ZDHHC7: variants seen among roughly 807,000 people sequenced by gnomAD.
The protein encoded by ZDHHC7 is zDHHC palmitoyltransferase 7, also known as palmitoyltransferase ZDHHC7.
Under a neutral mutation model 34.1 loss-of-function variants are expected in ZDHHC7, and 12 were observed. The ratio of observed to expected loss-of-function variants is 0.35; its 90% confidence interval spans 0.23 to 0.57. The LOEUF is 0.57. Ranked by LOEUF, ZDHHC7 falls within the 20% of genes least tolerant of loss-of-function variation. The pLI is 0.84. For synonymous variants in ZDHHC7, 185 were observed against 155.4 expected (o/e 1.19, Z -1.42); for missense variants, 388 against 402.7 (o/e 0.96, Z 0.31).
In ZDHHC7 at chr16:84,974,898, G is replaced by T. The variant is rs2072274592; in HGVS notation, c.*1445C>A. 6.5e-6 allele frequency: 1 copy of T among 152,678 alleles called. No individual in the cohort carries two copies. Among genetic ancestry groups the T allele is most frequent in the South Asian group, 2.1e-4 (1 of 4,832 alleles). The allele number at this position is 152,678 out of a possible 1,614,324, so 9.5% of individuals were successfully genotyped here. A position where few individuals can be genotyped will look rare whatever the true frequency, so the allele number is the denominator to read the frequency against. On this transcript the variant is annotated 3_prime_UTR_variant, in exon 8 of 8. Transcript: ENST00000313732. ...GAAGCCCTGATTCGGATGGGGTACAGAGTAATTAAAAACAAAAAACAGTTC... is the reference window on the plus strand; with the variant it reads ...GAAGCCCTGATTCGGATGGGGTACATAGTAATTAAAAACAAAAAACAGTTC...
At chr16:84,986,657 T>C (rs1031401141) in intron 3 of ZDHHC7, among the ~76,000 whole-genome samples, 15 of 152,170 alleles carry the variant, frequency 9.9e-5, no homozygotes, top group Admixed American at 7.9e-4. Context: ...AGTAGGCCTC[T>C]GACCCCATCT....
At chr16:85,025,474 T>C in the ZDHHC7 span, among the ~76,000 whole-genome samples, 1 of 151,980 alleles carries the variant, frequency 6.6e-6, no homozygotes, top group Non-Finnish European at 1.5e-5. Flanking sequence ...AGTGGCGCGA[T>C]CTCAGCTCAC....
intron 2 of ZDHHC7, among the ~76,000 whole-genome samples, chr16:84,994,835 T>C (rs2072555554): frequency 1.3e-5 from 2 of 152,218 alleles, no homozygotes; most frequent in South Asian, 2.1e-4. Flanking sequence ...TGCTTTATTT[T>C]CAACAAAGCA....
At chr16:85,003,087 G>C (rs2072673458) in intron 1 of ZDHHC7, among the ~76,000 whole-genome samples, 1 of 152,156 alleles carries the variant, frequency 6.6e-6, no homozygotes, top group African/African-American at 2.4e-5. Flanking sequence ...TAGAAAAGCA[G>C]AGTAACGAAG....
chr16:84,983,500 G>C (rs1197576322), intron 3 of ZDHHC7, among the ~76,000 whole-genome samples: 1 of 152,140 alleles, frequency 6.6e-6, no homozygotes, highest in Non-Finnish European at 1.5e-5. Context: ...GGCAGCACAG[G>C]CAGGGGGGCC....
intron 2 of ZDHHC7, among the ~76,000 whole-genome samples, chr16:84,994,439 G>A (rs1366710855): frequency 2.6e-5 from 4 of 152,244 alleles, no homozygotes; most frequent in Non-Finnish European, 5.9e-5. Context: ...AAAAGGAAGG[G>A]TGCTTTCCAG....
chr16:84,975,969 C>A lies in ZDHHC7; in HGVS notation c.*374G>T. On this transcript the variant is annotated 3_prime_UTR_variant, in exon 8 of 8. Transcript: ENST00000313732. ...GGTCAGCAGGAGCCCCCTGAAATGACTGCTTGGAGAATCCCTGTTCACTGG... is the reference window on the plus strand; with the variant it reads ...GGTCAGCAGGAGCCCCCTGAAATGAATGCTTGGAGAATCCCTGTTCACTGG... 1 of 228,002 alleles carries A rather than the reference C, an allele frequency of 4.4e-6. No individual in the cohort carries two copies. The highest frequency in any genetic ancestry group is 6.3e-5 in the South Asian group (1 of 15,834). The allele number at this position is 228,002 out of a possible 1,614,324, so 14.1% of individuals were successfully genotyped here.
upstream of ZDHHC7, among the ~76,000 whole-genome samples, chr16:85,012,019 G>A (rs1468220370): frequency 6.6e-6 from 1 of 152,212 alleles, no homozygotes. Context: ...CCTCCTTGAG[G>A]GACTTGGACA....
the ZDHHC7 span, among the ~76,000 whole-genome samples, chr16:85,019,624 G>A: frequency 6.6e-6 from 1 of 152,202 alleles, no homozygotes; most frequent in Non-Finnish European, 1.5e-5. Flanking sequence ...GGCTGAGGCA[G>A]AAGAATGGCT....
chr16:84,986,019 T>A (rs1393345113), intron 3 of ZDHHC7, among the ~76,000 whole-genome samples: 1 of 137,236 alleles, frequency 7.3e-6, no homozygotes, highest in East Asian at 2.1e-4. Context: ...ACAGGAGAGG[T>A]GGTATAAATA....
the ZDHHC7 span, among the ~76,000 whole-genome samples, chr16:85,019,859 G>A: frequency 6.6e-6 from 1 of 152,350 alleles, no homozygotes; most frequent in South Asian, 2.1e-4. Context: ...CGGTCACACA[G>A]TGAAGAGGTG....
intron 3 of ZDHHC7, among the ~76,000 whole-genome samples, chr16:84,984,648 G>C (rs1190977355): frequency 6.6e-6 from 1 of 152,172 alleles, no homozygotes; most frequent in East Asian, 1.9e-4. Context: ...GTGATCCTCA[G>C]GGACCTGAGA....
At chr16:84,999,725 G>A (rs781079006) in intron 1 of ZDHHC7, among the ~76,000 whole-genome samples, 1 of 152,098 alleles carries the variant, frequency 6.6e-6, no homozygotes, top group South Asian at 2.1e-4. Flanking sequence ...CTGTGGAGAG[G>A]GCCAAGGTAA....
Position 84,981,976 on chromosome 16 carries a change from T to C in ZDHHC7, c.334A>G (p.Asn112Asp). 1 of 1,614,172 alleles carries C rather than the reference T, an allele frequency of 6.2e-7. No homozygotes were observed. Among genetic ancestry groups the C allele is most frequent in the Non-Finnish European group, 8.5e-7 (1 of 1,180,024 alleles). ...CTCTCCATGTATTCTTTCGTAGCGT[T>C]TCCTTTGGGTACTGCCCCCTACCAT... ...LTDPGAVPKG[N>D]ATKEYMESLQ... The change falls in exon 4 of 8, where the codon AAC (asparagine) becomes GAC (aspartate). Residue 112 changes from asparagine (N) to aspartate (D), a missense_variant. Physicochemically the swap from Asn to Asp is conservative, Grantham distance 23. Coordinates refer to ENST00000313732, the MANE Select transcript of ZDHHC7 (RefSeq NM_017740.3).
intron 1 of ZDHHC7, among the ~76,000 whole-genome samples, chr16:85,007,463 A>C (rs9927164): frequency 5.4e-5 from 8 of 148,690 alleles, no homozygotes; most frequent in Non-Finnish European, 1.0e-4. Flanking sequence ...TGGAACTCAG[A>C]AGCAAGCAGG....
chr16:84,984,416 C>T (rs2072410511), intron 3 of ZDHHC7, among the ~76,000 whole-genome samples: 1 of 152,106 alleles, frequency 6.6e-6, no homozygotes, highest in African/African-American at 2.4e-5. Flanking sequence ...CCCCAGGTGA[C>T]AGTCGAGTGT....
intron 1 of ZDHHC7, among the ~76,000 whole-genome samples, chr16:85,010,678 G>A: frequency 6.8e-6 from 1 of 146,492 alleles, no homozygotes. Context: ...AATAAAGTGT[G>A]TCTATCTAAC....
At chr16:85,009,501 G>A (rs761501544) in intron 1 of ZDHHC7, among the ~76,000 whole-genome samples, 23 of 150,962 alleles carry the variant, frequency 1.5e-4, no homozygotes, top group Non-Finnish European at 1.9e-4. Flanking sequence ...GGTAGCAGAA[G>A]AGTTCCCATT....
At chr16:85,026,309 C>T in the ZDHHC7 span, among the ~76,000 whole-genome samples, 1 of 152,136 alleles carries the variant, frequency 6.6e-6, no homozygotes, top group South Asian at 2.1e-4. Flanking sequence ...GGACTCACGG[C>T]AGAACCTGCA....
Sources: gnomAD v4.1 joint callset for allele counts (sites outside exome capture counted in the v4.1 genomes callset) on GRCh38, gnomAD v4.1.1 for gene constraint, MANE v1.5 for transcripts, NCBI Gene and HGNC (gene_info 2026-07-23, HGNC 2026-07-21) for gene names.